Variants in AFF2 observed in about 807,000 individuals in gnomAD.
AFF2 encodes the protein ALF transcription elongation factor 2.
Under a neutral mutation model 76.9 loss-of-function variants are expected in AFF2, and 14 were observed. The ratio of observed to expected loss-of-function variants is 0.18; its 90% confidence interval spans 0.12 to 0.28. The LOEUF is 0.28. AFF2 is among the 10% of genes least tolerant of loss of function. AFF2 has a pLI of 1.00. For missense variants in AFF2, 868 were observed against 1,001.1 expected, an observed-to-expected ratio of 0.87 and a Z score of 1.79; for synonymous variants, 398 against 366.7, an observed-to-expected ratio of 1.09 and a Z score of -0.98.
intron 7 of AFF2, among the ~76,000 whole-genome samples, chrX:148,880,533 C>T (rs999973532): frequency 1.8e-5 from 2 of 111,663 alleles, no homozygotes; most frequent in African/African-American, 6.5e-5. Flanking sequence ...AACATGCAAG[C>T]CCTCTCTAGG....
chrX:148,821,742 A>G (rs915248033), intron 4 of AFF2, among the ~76,000 whole-genome samples: 5 of 111,063 alleles, frequency 4.5e-5, no homozygotes, highest in Non-Finnish European at 9.4e-5. Context: ...TGGCCTTTGT[A>G]TGTGTGTATG....
intron 7 of AFF2, among the ~76,000 whole-genome samples, chrX:148,858,424 AG>A (rs1196380725): frequency 2.7e-5 from 3 of 111,666 alleles, no homozygotes; most frequent in Non-Finnish European, 5.7e-5. Context: ...ACCCTTAAAA[AG>A]AATCCTTCAC....
At chrX:148,905,335 G>A (rs1306977411) in intron 9 of AFF2, among the ~76,000 whole-genome samples, 3 of 111,967 alleles carry the variant, frequency 2.7e-5, no homozygotes, top group East Asian at 2.8e-4. Context: ...AGGGGCATCC[G>A]TAGTCTGGAG....
At chrX:148,605,810 A>G (rs1426846003) in intron 1 of AFF2, among the ~76,000 whole-genome samples, 1 of 112,286 alleles carries the variant, frequency 8.9e-6, no homozygotes, top group Non-Finnish European at 1.9e-5. Context: ...TCATACTGCT[A>G]TGAATTAATG....
intron 3 of AFF2, among the ~76,000 whole-genome samples, chrX:148,795,684 T>C (rs1462581200): frequency 1.0e-5 from 1 of 98,014 alleles, no homozygotes; most frequent in Non-Finnish European, 2.0e-5. Flanking sequence ...GCGCCTGTAG[T>C]CCCAGCTACT....
At chrX:148,641,553 T>C (rs928503813) in intron 1 of AFF2, among the ~76,000 whole-genome samples, 1 of 111,680 alleles carries the variant, frequency 9.0e-6, no homozygotes, top group African/African-American at 3.3e-5. Context: ...CTGCACACAC[T>C]GTGAGGAGGC....
chrX:148,998,589 T>C lies in AFF2; in HGVS notation c.*7257T>C, dbSNP rs1432480107. 1 of 111,765 alleles carries C rather than the reference T, an allele frequency of 8.9e-6. No homozygotes were observed. The highest frequency in any genetic ancestry group is 3.3e-5 in the African/African-American group (1 of 30,635). 9.2% of individuals were successfully genotyped at this position (111,765 alleles called of 1,213,427 possible). ...CATAATTCTGGAGCAAGTGGAGTGG[T>C]TGCAGGCAGATGAGACAGTGTTATA... On this transcript the variant is annotated 3_prime_UTR_variant, in exon 21 of 21. Transcript: ENST00000370460.
In AFF2 at chrX:148,578,768, A is replaced by G. The variant is rs782054010; in HGVS notation, c.48-73231A>G. The stretch of plus-strand genomic sequence containing the variant: ...GTAACTAGCACTTTGCAGGGCAAAA[A>G]TATTTGAATATGGACTGTGAAACAT... On this transcript the variant is annotated intron_variant, in intron 1 of 20. Transcript: ENST00000370460. 6.3e-5 allele frequency among the ~76,000 whole-genome samples: 7 copies of G among 111,967 alleles called. No individual in the cohort carries two copies. The East Asian group carries it at 2.0e-3, about 32-fold the overall frequency.
intron 1 of AFF2, among the ~76,000 whole-genome samples, chrX:148,624,208 C>T (rs1487101923): frequency 9.0e-6 from 1 of 111,435 alleles, no homozygotes; most frequent in East Asian, 2.9e-4. Flanking sequence ...CAGTCCCTTC[C>T]CCATCACCAC....
intron 8 of AFF2, among the ~76,000 whole-genome samples, chrX:148,892,062 G>C (rs2071229860): frequency 9.0e-6 from 1 of 111,386 alleles, no homozygotes; most frequent in Admixed American, 9.5e-5. Flanking sequence ...AATTTTCTTT[G>C]AACACAAAAC....
At chrX:148,816,351 T>C (rs2070264970) in intron 4 of AFF2, among the ~76,000 whole-genome samples, 1 of 111,435 alleles carries the variant, frequency 9.0e-6, no homozygotes, top group South Asian at 3.8e-4. Context: ...TCGTTTGTCA[T>C]TAGAAGCATT....
In AFF2 at chrX:148,966,956, C is replaced by G; in HGVS notation, c.3080C>G (p.Thr1027Ser). ...TTTTTTISTI[T>S]STITTGLMDS... ...ACTACCACTACCATTTCCACCATCA[C>G]CTCTACCATCACTACTGGCCTCATG... The change falls in exon 14 of 21, where the codon ACC (threonine) becomes AGC (serine). Residue 1027 changes from threonine to serine, a missense_variant. Coordinates refer to ENST00000370460, the MANE Select transcript of AFF2 (RefSeq NM_002025.4). The G allele has an allele frequency of 8.3e-7, 1 of 1,211,739 alleles. No individual in the cohort carries two copies. Among genetic ancestry groups the G allele is most frequent in the Middle Eastern group, 2.3e-4 (1 of 4,354 alleles).
intron 18 of AFF2, among the ~76,000 whole-genome samples, 166 bp from the exon 19 acceptor site, chrX:148,980,572 C>T (rs879973449): frequency 2.7e-5 from 3 of 111,579 alleles, no homozygotes; most frequent in Non-Finnish European, 3.8e-5. Context: ...CTATTTTCAT[C>T]GAGTGTGCGT....
At chrX:148,719,457 T>C (rs1284829512) in intron 3 of AFF2, among the ~76,000 whole-genome samples, 1 of 111,680 alleles carries the variant, frequency 9.0e-6, no homozygotes, top group East Asian at 2.8e-4. Flanking sequence ...GGCCTCAGGG[T>C]AGTCAGAATG....
chrX:148,716,355 A>G (rs2055025127), intron 3 of AFF2, among the ~76,000 whole-genome samples: 1 of 111,764 alleles, frequency 8.9e-6, no homozygotes, highest in Admixed American at 9.5e-5. Flanking sequence ...CCAGGGAAGA[A>G]TCAAAAGAGA....
chrX:148,847,647 G>T (rs1557274883), intron 7 of AFF2, among the ~76,000 whole-genome samples: 1 of 111,794 alleles, frequency 8.9e-6, no homozygotes, highest in Non-Finnish European at 1.9e-5. Context: ...CAGATTGGTT[G>T]AGGCCAGCCT....
intron 1 of AFF2, among the ~76,000 whole-genome samples, chrX:148,647,280 G>A (rs1234463208): frequency 1.8e-5 from 2 of 112,449 alleles, no homozygotes; most frequent in South Asian, 7.3e-4. Flanking sequence ...TTACCTTCAT[G>A]TACACCATTA....
intron 3 of AFF2, among the ~76,000 whole-genome samples, chrX:148,768,135 A>T (rs2069541505): frequency 9.3e-6 from 1 of 107,782 alleles, no homozygotes; most frequent in African/African-American, 3.4e-5. Flanking sequence ...GACTGATCAA[A>T]TTTGTCTCTC....
chrX:148,859,537 C>T, intron 7 of AFF2, among the ~76,000 whole-genome samples: 1 of 110,023 alleles, frequency 9.1e-6, no homozygotes, highest in East Asian at 2.8e-4. Flanking sequence ...TGAAATATAA[C>T]ATTTGTATTG....
Sources: allele counts gnomAD v4.1 joint callset (sites outside exome capture counted in the v4.1 genomes callset), GRCh38; gene constraint gnomAD v4.1.1; transcripts MANE v1.5; gene names NCBI Gene and HGNC (gene_info 2026-07-23, HGNC 2026-07-21).